The following BTBD9 variants were observed in gnomAD, a reference collection of about 807,000 sequenced individuals.
The protein encoded by BTBD9 is BTB domain containing 9.
A neutral mutation model predicts 64.3 loss-of-function variants in BTBD9; 49 were observed. The ratio of observed to expected loss-of-function variants is 0.76; its 90% CI spans 0.61 to 0.97. The LOEUF is 0.97. Ranked by LOEUF, BTBD9 falls within the 50% of genes least tolerant of loss-of-function variation. BTBD9 has a pLI of 0.00. For synonymous variants in BTBD9, 260 were observed against 274.7 expected (o/e 0.95, Z 0.53); for missense variants, 598 against 762.1 (o/e 0.78, Z 2.53).
intron 6 of BTBD9, among the ~76,000 whole-genome samples, chr6:38,574,869 C>T (rs13219252): frequency 0.087 from 13,178 of 152,132 alleles, 698 homozygotes; most frequent in Middle Eastern, 0.18. Flanking sequence ...CTGTTTTAAA[C>T]AAGAATTTGA....
chr6:38,380,977 G>A (rs1304848222), intron 6 of BTBD9, among the ~76,000 whole-genome samples: 2 of 152,066 alleles, frequency 1.3e-5, no homozygotes, highest in Admixed American at 1.3e-4. Context: ...AAAATAGGAT[G>A]TATAACTTCC....
At chr6:38,239,862 G>T (rs911375610) in intron 9 of BTBD9, among the ~76,000 whole-genome samples, 3 of 152,174 alleles carry the variant, frequency 2.0e-5, no homozygotes, top group Non-Finnish European at 4.4e-5. Context: ...TTATTATATA[G>T]TATTACATTT....
At chr6:38,228,746 C>G (rs866847918) in intron 9 of BTBD9, among the ~76,000 whole-genome samples, 3 of 151,298 alleles carry the variant, frequency 2.0e-5, no homozygotes, top group Admixed American at 6.6e-5. Flanking sequence ...TGGTGGCATG[C>G]GCCTGTAGTC....
intron 6 of BTBD9, among the ~76,000 whole-genome samples, chr6:38,351,504 G>GTTTTTTTTTTTTTTTTTT (rs79539406): frequency 1.0e-5 from 1 of 96,696 alleles, no homozygotes; most frequent in Non-Finnish European, 2.0e-5. Context: ...TTTAATTGTT[G>GTTTTTTTTTTTTTTTTTT]TTGTTTTTTT....
At chr6:38,242,779 G>T (rs550788480) in intron 9 of BTBD9, among the ~76,000 whole-genome samples, 39 of 152,322 alleles carry the variant, frequency 2.6e-4, no homozygotes, top group African/African-American at 9.1e-4. Context: ...GACCTACAGA[G>T]ATGACTCTGG....
At chr6:38,481,530 C>T (rs72852695) in intron 6 of BTBD9, among the ~76,000 whole-genome samples, 1,577 of 152,250 alleles carry the variant, frequency 0.01, 19 homozygotes, top group Non-Finnish European at 0.014. Context: ...GCTCTGCTCA[C>T]GACCTCTTTT....
chr6:38,514,361 G>A (rs1407007867), intron 6 of BTBD9, among the ~76,000 whole-genome samples: 2 of 152,006 alleles, frequency 1.3e-5, no homozygotes, highest in Admixed American at 1.3e-4. Context: ...CCAATTCTTT[G>A]TCCATTTTTT....
chr6:38,299,954 T>A (rs1383394851), intron 7 of BTBD9, among the ~76,000 whole-genome samples: 4 of 152,022 alleles, frequency 2.6e-5, no homozygotes, highest in Non-Finnish European at 4.4e-5. Flanking sequence ...CTGAATGGTA[T>A]TGCCTAGGTT....
chr6:38,282,844 C>A (rs543535629), intron 8 of BTBD9, among the ~76,000 whole-genome samples: 1 of 152,324 alleles, frequency 6.6e-6, no homozygotes, highest in South Asian at 2.1e-4. Context: ...GACTCTGTCT[C>A]CAACCCGGTT....
At chr6:38,574,968 C>G (rs902882196) in intron 6 of BTBD9, among the ~76,000 whole-genome samples, 1 of 152,248 alleles carries the variant, frequency 6.6e-6, no homozygotes, top group Admixed American at 6.5e-5. Context: ...AGAGAGAGGA[C>G]GGGGTAATCT....
At chr6:38,484,442 A>G (rs1169377557) in intron 6 of BTBD9, among the ~76,000 whole-genome samples, 1 of 152,222 alleles carries the variant, frequency 6.6e-6, no homozygotes, top group Admixed American at 6.5e-5. Context: ...CCTGAAGAAG[A>G]ATACTGGATA....
At chr6:38,310,714 G>A (rs1762795932) in intron 7 of BTBD9, among the ~76,000 whole-genome samples, 2 of 152,046 alleles carry the variant, frequency 1.3e-5, no homozygotes, top group African/African-American at 4.8e-5. Flanking sequence ...CGGGGTATAC[G>A]AAATATTTTG....
At chr6:38,548,343 T>C (rs906707350) in intron 6 of BTBD9, among the ~76,000 whole-genome samples, 1 of 152,226 alleles carries the variant, frequency 6.6e-6, no homozygotes, top group Non-Finnish European at 1.5e-5. Flanking sequence ...TGGAATCATC[T>C]CTCTTCGAAG....
intron 1 of BTBD9, among the ~76,000 whole-genome samples, chr6:38,630,263 G>T (rs757800410): frequency 2.0e-5 from 3 of 151,824 alleles, no homozygotes; most frequent in Non-Finnish European, 4.4e-5. Context: ...CACATGGCTG[G>T]TTTTTTGTTT....
intron 6 of BTBD9, among the ~76,000 whole-genome samples, chr6:38,405,952 G>A (rs1186503836): frequency 1.3e-5 from 2 of 152,080 alleles, no homozygotes; most frequent in African/African-American, 2.4e-5. Context: ...GCTGGGGGAG[G>A]GGCAGTGAAA....
intron 6 of BTBD9, among the ~76,000 whole-genome samples, chr6:38,465,556 A>T (rs1770312457): frequency 6.7e-6 from 1 of 148,856 alleles, no homozygotes; most frequent in Non-Finnish European, 1.5e-5. Context: ...GTATGAAACC[A>T]GGAGGTGGAG....
intron 6 of BTBD9, among the ~76,000 whole-genome samples, chr6:38,374,908 A>G (rs1181798423): frequency 6.6e-6 from 1 of 152,178 alleles, no homozygotes; most frequent in East Asian, 1.9e-4. Flanking sequence ...ATGTCCAAAA[A>G]CAGAAGGCAG....
intron 9 of BTBD9, among the ~76,000 whole-genome samples, chr6:38,229,586 A>G (rs762091396): frequency 1.2e-4 from 18 of 152,188 alleles, no homozygotes; most frequent in Non-Finnish European, 2.2e-4. Flanking sequence ...ATATATGAAC[A>G]CCTGGCAGAC....
chr6:38,232,274 CTTTT>C (rs990677793), intron 9 of BTBD9, among the ~76,000 whole-genome samples: 1 of 140,786 alleles, frequency 7.1e-6, no homozygotes, highest in Non-Finnish European at 1.6e-5. Context: ...TCTCTGTTTT[CTTTT>C]TTTTTTTTTT....
Sources: allele counts gnomAD v4.1 joint callset (sites outside exome capture counted in the v4.1 genomes callset), GRCh38; gene constraint gnomAD v4.1.1; transcripts MANE v1.5; gene names NCBI Gene and HGNC (gene_info 2026-07-23, HGNC 2026-07-21).